Variants in NBEAL2 observed in about 807,000 individuals in gnomAD.
NBEAL2 encodes neurobeachin like 2, also known as neurobeachin-like protein 2.
A neutral mutation model predicts 299.8 loss-of-function variants in NBEAL2; 160 were observed. That is an observed-to-expected ratio of 0.53 (90% CI 0.47 to 0.61). The LOEUF is 0.61. NBEAL2 is among the 20% of genes least tolerant of loss of function. NBEAL2 has a pLI of 0.00. For missense variants in NBEAL2, 3,112 were observed against 3,649.0 expected (o/e 0.85, Z 3.79); for synonymous variants, 1,493 against 1,542.3 (o/e 0.97, Z 0.75).
At chr3:47,007,935 G>A (rs2037581399) in intron 49 of NBEAL2, 25 bp downstream of exon 49, 1 of 1,605,402 alleles carries the variant, frequency 6.2e-7, no homozygotes, top group Non-Finnish European at 8.5e-7. Context: ...CAGCTCTGTG[G>A]GGCCCCCGTA....
rs1466643475 is a variant in NBEAL2 at position 47,003,070 on chromosome 3, G to A, written c.5573G>A (p.Arg1858Gln). 6.2e-6 allele frequency: 10 copies of A among 1,612,014 alleles called. No individual in the cohort carries two copies. Among genetic ancestry groups the A allele is most frequent in the East Asian group, 2.2e-5 (1 of 44,844 alleles). Residue 1858 changes from arginine to glutamine, a missense_variant, in exon 34 of 54, where the codon CGA (arginine) becomes CAA (glutamine). Physicochemically the swap from Arg to Gln is conservative, Grantham distance 43. Around this residue, in one of 3 missense-constraint regions of NBEAL2, gnomAD observed 2,243 missense variants for 2,538.1 expected, o/e 0.88. Coordinates refer to ENST00000450053, the MANE Select transcript of NBEAL2 (RefSeq NM_015175.3). This position sits in a 1 kb window ranked among gnomAD's most constrained non-coding sequence, Gnocchi z 7.0. Reference sequence around the variant, plus strand: ...CCTCACCTGGAAGCCAGCGCTCTCCGAGACAATCTGGGTGAGGGAGTGTGC... The same window carrying A: ...CCTCACCTGGAAGCCAGCGCTCTCCAAGACAATCTGGGTGAGGGAGTGTGC... The part of the protein sequence containing the change: ...FDPHLEASAL[R>Q]DNLGEVPLTP...
In NBEAL2 at chr3:46,988,084, A is replaced by G. The variant is rs748643715; in HGVS notation, c.52-585A>G. 15 of 1,222,372 alleles carry G rather than the reference A, an allele frequency of 1.2e-5. No individual in the cohort carries two copies. Among genetic ancestry groups the G allele is most frequent in the African/African-American group, 3.2e-5 (2 of 62,386 alleles). The allele number at this position is 1,222,372 out of a possible 1,614,324, so 75.7% of individuals were successfully genotyped here. ...TCTGGGGCCTGGGGTCCAGGTAACCAGCAAGGGTGGGTGGAGGTTCCCGGG... is the reference window on the plus strand; with the variant it reads ...TCTGGGGCCTGGGGTCCAGGTAACCGGCAAGGGTGGGTGGAGGTTCCCGGG... On this transcript the variant is annotated intron_variant, in intron 1 of 53. Transcript: ENST00000450053. This position sits in a 1 kb window ranked among gnomAD's most constrained non-coding sequence, Gnocchi z 4.4.
intron 45 of NBEAL2, 58 bp from the exon 46 acceptor site, chr3:47,007,008 G>A: frequency 7.4e-7 from 1 of 1,348,596 alleles, no homozygotes; most frequent in South Asian, 1.3e-5. Context: ...GCTTCAGGGA[G>A]CAGATAGTGT....
intron 9 of NBEAL2, 77 bp from the exon 10 acceptor site, chr3:46,992,398 G>C (rs1433425725): frequency 5.1e-6 from 7 of 1,379,292 alleles, no homozygotes; most frequent in Admixed American, 2.0e-5. Flanking sequence ...CCCTGGTCCT[G>C]CTCTAACCCC....
Position 47,002,188 on chromosome 3 carries a change from G to C in NBEAL2, c.5051G>C (p.Gly1684Ala). 1 of 1,525,328 alleles carries C rather than the reference G, an allele frequency of 6.6e-7. No homozygotes were observed. The allele number at this position is 1,525,328 out of a possible 1,614,324, so 94.5% of individuals were successfully genotyped here. A position where few individuals can be genotyped will look rare whatever the true frequency, so the allele number is the denominator to read the frequency against. The change falls in exon 31 of 54, where the codon GGA (glycine) becomes GCA (alanine). Residue 1684 changes from glycine to alanine, a missense_variant. Around this residue, in one of 3 missense-constraint regions of NBEAL2, gnomAD observed 2,243 missense variants for 2,538.1 expected, o/e 0.88. Coordinates refer to ENST00000450053, the MANE Select transcript of NBEAL2 (RefSeq NM_015175.3). ...TATGAGCCGCTGGGGCTGCAGTGGG[G>C]ACTGCCCTCCCTGCCACCCACCAAT... ...RAYEPLGLQW[G>A]LPSLPPTNGS...
In NBEAL2 at chr3:47,004,660, T is replaced by C; in HGVS notation, c.6294+70T>C. On this transcript the variant is annotated intron_variant, in intron 38 of 53. Transcript: ENST00000450053. The surrounding 1 kb of genome is among the most constrained non-coding windows in gnomAD (Gnocchi z 5.0). Reference sequence around the variant, plus strand: ...TGTCAGCCCTTGGTTCCCCCAAGTGTAGGTACCTGCCAGTGGGCCAAGCTC... The same window carrying C: ...TGTCAGCCCTTGGTTCCCCCAAGTGCAGGTACCTGCCAGTGGGCCAAGCTC... 6.8e-7 allele frequency: 1 copy of C among 1,478,890 alleles called. No individual in the cohort carries two copies. Among genetic ancestry groups the C allele is most frequent in the South Asian group, 1.1e-5 (1 of 87,944 alleles). 91.6% of individuals were successfully genotyped at this position (1,478,890 alleles called of 1,614,324 possible). A position where few individuals can be genotyped will look rare whatever the true frequency, so the allele number is the denominator to read the frequency against.
In NBEAL2 at chr3:47,001,744, C is replaced by G. The variant is rs2037010902; in HGVS notation, c.4700C>G (p.Ala1567Gly). 6.2e-7 allele frequency: 1 copy of G among 1,613,934 alleles called. No homozygotes were observed. The highest frequency in any genetic ancestry group is 8.5e-7 in the Non-Finnish European group (1 of 1,179,894). ...LDRLGAWPHL[A>G]NGTADLREMA... is the part of the protein sequence containing the mutation. ...CGCCTGGGAGCCTGGCCCCACCTGG[C>G]CAACGGCACAGCTGATCTCCGTGAG... Residue 1567 changes from alanine to glycine, a missense_variant, in exon 30 of 54, where the codon GCC becomes GGC. Physicochemically the swap from Ala to Gly is moderately conservative, Grantham distance 60 (BLOSUM62 0). This residue lies in a region of NBEAL2 where 2,243 missense variants were observed against 2,538.1 expected (regional missense o/e 0.88). Coordinates refer to ENST00000450053, the MANE Select transcript of NBEAL2 (RefSeq NM_015175.3). This position sits in a 1 kb window ranked among gnomAD's most constrained non-coding sequence, Gnocchi z 6.1.
In NBEAL2 at chr3:47,008,111, C is replaced by T; in HGVS notation, c.7644C>T (p.Val2548=). Residue 2548 remains valine, a synonymous_variant, in exon 50 of 54, where the codon GTC becomes GTT. Coordinates refer to ENST00000450053, the MANE Select transcript of NBEAL2 (RefSeq NM_015175.3). ...SVGLAPKPVQ[V]LYGHGAAVSC... is the part of the protein sequence containing the mutation. ...GCCTGGCACCAAAGCCTGTGCAGGT[C>T]CTGTATGGGCATGGGGCTGCAGTGA... 1 of 1,614,014 alleles carries T rather than the reference C, an allele frequency of 6.2e-7. No homozygotes were observed. The highest frequency in any genetic ancestry group is 1.1e-5 in the South Asian group (1 of 91,086).
rs1372331976 is a variant in NBEAL2, at chr3:47,009,544, C to A, written c.*224C>A. On this transcript the variant is annotated 3_prime_UTR_variant, in exon 54 of 54. Transcript: ENST00000450053. ...GGGCCGCCCTGAGGGCCAGCACTGG[C>A]GTCTGCGGCCGCAGCAGCACTTTTT... is the stretch of plus-strand genomic sequence containing the variant. 3 of 560,634 alleles carry A rather than the reference C, an allele frequency of 5.4e-6. No homozygotes were observed. The highest frequency in any genetic ancestry group is 9.4e-6 in the Non-Finnish European group (3 of 317,640). The allele number at this position is 560,634 out of a possible 1,614,324, so 34.7% of individuals were successfully genotyped here.
chr3:47,005,125 C>T (rs774574981), intron 39 of NBEAL2, 29 bp downstream of exon 39: 49 of 1,613,678 alleles, frequency 3.0e-5, no homozygotes, highest in Non-Finnish European at 3.8e-5. Context: ...CTGGGCTCAG[C>T]GGGTAGGGAA....
In NBEAL2 at chr3:47,005,738, G is replaced by A. The variant is rs748760198; in HGVS notation, c.6692G>A (p.Gly2231Asp). The A allele has an allele frequency of 7.4e-6, 12 of 1,613,222 alleles. No homozygotes were observed. The East Asian group carries it at 1.8e-4, about 24-fold the overall frequency. The change falls in exon 42 of 54, where the codon GGT (glycine) becomes GAT (aspartate). Residue 2231 changes from glycine to aspartate, a missense_variant and splice_region_variant. Gly to Asp is a moderately conservative substitution (Grantham distance 94, BLOSUM62 -1). Transcript: ENST00000450053. Reference sequence around the variant, plus strand: ...CAGCTGACCCAGTCCTCTGTGCCAGGTTTTGACCTGGGCTGTCTCCAGCTG... The same window carrying A: ...CAGCTGACCCAGTCCTCTGTGCCAGATTTTGACCTGGGCTGTCTCCAGCTG... The part of the protein sequence containing the change: ...YFPDFLENQN[G>D]FDLGCLQLTN...
Position 46,996,803 on chromosome 3 carries a change from C to T in NBEAL2, c.2526C>T (p.Ser842=). ...FKPEGELHEL[S]TRLLLHYSPQ... is the part of the protein sequence containing the mutation. ...CTGAGGGGGAGCTGCATGAGCTCAG[C>T]ACCAGGCTGCTCCTCCATTACTCAC... Residue 842 remains serine (S), a synonymous_variant, in exon 17 of 54, where the codon AGC becomes AGT. Coordinates refer to ENST00000450053, the MANE Select transcript of NBEAL2 (RefSeq NM_015175.3). The T allele has an allele frequency of 6.2e-7, 1 of 1,612,698 alleles. No homozygotes were observed. The highest frequency in any genetic ancestry group is 8.5e-7 in the Non-Finnish European group (1 of 1,179,824).
rs1257349609 is a variant in NBEAL2, at chr3:46,997,406, C to T, written c.2797C>T (p.Leu933=). The part of the protein sequence containing the change: ...ELTSGHNTQG[L]VLPLGKSSEE... ...GACCTCTGGTCACAACACCCAGGGC[C>T]TGGTTCTCCCATTGGGTAAATCTTC... Residue 933 remains leucine (L), a synonymous_variant, in exon 19 of 54, where the codon CTG becomes TTG. Coordinates refer to ENST00000450053, the MANE Select transcript of NBEAL2 (RefSeq NM_015175.3). 2.5e-6 allele frequency: 4 copies of T among 1,610,836 alleles called. No individual in the cohort carries two copies. The highest frequency in any genetic ancestry group is 3.4e-6 in the Non-Finnish European group (4 of 1,179,080).
Position 46,993,861 on chromosome 3 carries a change from C to A in NBEAL2, c.1114-76C>A. Reference sequence around the variant, plus strand: ...ATGCCTTGGGGTGCTTGGCTCTGCACCTTTTTTACTGCAGGGGGCTGCCAG... The same window carrying A: ...ATGCCTTGGGGTGCTTGGCTCTGCAACTTTTTTACTGCAGGGGGCTGCCAG... On this transcript the variant is annotated intron_variant, in intron 10 of 53. Transcript: ENST00000450053. 4 of 1,367,978 alleles carry A rather than the reference C, an allele frequency of 2.9e-6. No homozygotes were observed. In the Admixed American group the frequency reaches 7.8e-5, roughly 27 times the overall value. The allele number at this position is 1,367,978 out of a possible 1,614,324, so 84.7% of individuals were successfully genotyped here. A position where few individuals can be genotyped will look rare whatever the true frequency, so the allele number is the denominator to read the frequency against.
chr3:46,997,797 A>G, intron 20 of NBEAL2, 103 bp downstream of exon 20: 1 of 1,397,080 alleles, frequency 7.2e-7, no homozygotes, highest in Non-Finnish European at 9.4e-7. Context: ...ACCTCCTGGG[A>G]GAGTTGCCAC....
chr3:46,986,043 C>G (rs1170140473), intron 1 of NBEAL2, among the ~76,000 whole-genome samples: 1 of 152,178 alleles, frequency 6.6e-6, no homozygotes, highest in African/African-American at 2.4e-5. Context: ...CAGAGTTGGC[C>G]TGAGGTCTTC....
In NBEAL2 at chr3:46,996,397, G is replaced by C. The variant is rs770926096; in HGVS notation, c.2278G>C (p.Val760Leu). 8 of 1,611,802 alleles carry C rather than the reference G, an allele frequency of 5.0e-6. No individual in the cohort carries two copies. In the African/African-American group the frequency reaches 1.1e-4, roughly 22 times the overall value. ...THPALTRSQS[V>L]PASTGLGWGS... ...CCCCGCCCTCACCCGCTCCCAGTCA[G>C]TCCCAGCCTCCACAGGGCTTGGCTG... is the stretch of plus-strand genomic sequence containing the variant. The change falls in exon 16 of 54, where the codon GTC (valine) becomes CTC (leucine). Residue 760 changes from valine to leucine, a missense_variant. Val to Leu is a conservative substitution (Grantham distance 32, BLOSUM62 1). Transcript: ENST00000450053.
Position 46,998,213 on chromosome 3 carries a change from C to G in NBEAL2, c.3105C>G (p.Phe1035Leu). The change falls in exon 21 of 54, where the codon TTC becomes TTG. Residue 1035 changes from phenylalanine to leucine, a missense_variant. By Grantham distance (22) the Phe-to-Leu change is conservative. Coordinates refer to ENST00000450053, the MANE Select transcript of NBEAL2 (RefSeq NM_015175.3). ...FNFHLWTLSD[F>L]AVRLGHIQYM... The stretch of plus-strand genomic sequence containing the variant: ...TTCACCTCTGGACCCTCAGTGACTT[C>G]GCCGTGCGCCTCGGTAGGTGTGAGG... 1 of 1,609,936 alleles carries G rather than the reference C, an allele frequency of 6.2e-7. No homozygotes were observed. Among genetic ancestry groups the G allele is most frequent in the Non-Finnish European group, 8.5e-7 (1 of 1,178,356 alleles).
rs757634414 is a variant in NBEAL2 at position 47,003,767 on chromosome 3, A to C, written c.5721-49A>C. ...ACTTGGATGCCCTTTGGGCTTGTGAAGAAGGGGGTCCCAGAGCCTACAGCG... is the reference window on the plus strand; with the variant it reads ...ACTTGGATGCCCTTTGGGCTTGTGACGAAGGGGGTCCCAGAGCCTACAGCG... On this transcript the variant is annotated intron_variant, in intron 35 of 53. Coordinates refer to ENST00000450053, the MANE Select transcript of NBEAL2 (RefSeq NM_015175.3). The surrounding 1 kb of genome is among the most constrained non-coding windows in gnomAD (Gnocchi z 7.0). 6.4e-5 allele frequency: 98 copies of C among 1,525,856 alleles called. No homozygotes were observed. Among genetic ancestry groups the C allele is most frequent in the Non-Finnish European group, 8.1e-5 (92 of 1,133,588 alleles). The allele number at this position is 1,525,856 out of a possible 1,614,324, so 94.5% of individuals were successfully genotyped here. A position where few individuals can be genotyped will look rare whatever the true frequency, so the allele number is the denominator to read the frequency against.
Sources: gnomAD v4.1 joint callset for allele counts (sites outside exome capture counted in the v4.1 genomes callset) on GRCh38, gnomAD v4.1.1 for gene constraint, gnomAD v4.1.1 regional missense constraint, Gnocchi (gnomAD v3.1) non-coding constraint, MANE v1.5 for transcripts, NCBI Gene and HGNC (gene_info 2026-07-23, HGNC 2026-07-21) for gene names.